The following ESR1 variants were observed in gnomAD, a reference collection of about 807,000 sequenced individuals.
The protein encoded by ESR1 is estrogen receptor 1.
Under a neutral mutation model 52.7 loss-of-function variants are expected in ESR1, and 12 were observed. The observed-to-expected ratio is 0.23, with a 90% CI of 0.15 to 0.37. The LOEUF (loss-of-function observed/expected upper bound fraction) is 0.37. Among genes scored for constraint, ESR1 ranks in the 10% least tolerant of loss-of-function variants. The probability of loss-of-function intolerance (pLI) is 1.00; values close to 1 mark genes in which losing one functional copy is unlikely to be tolerated. For missense variants in ESR1, 584 were observed against 779.7 expected (o/e 0.75, Z 2.99); for synonymous variants, 305 against 316.8 (o/e 0.96, Z 0.39).
chr6:151,981,148 GTA>G (rs2039956442), intron 4 of ESR1, among the ~76,000 whole-genome samples: 1 of 152,192 alleles, frequency 6.6e-6, no homozygotes, highest in African/African-American at 2.4e-5. Context: ...GTTTCTATTT[GTA>G]TCTGTGGAGT....
At chr6:151,773,098 G>C (rs1182485554) in intron 2 of ESR1, among the ~76,000 whole-genome samples, 8 of 152,170 alleles carry the variant, frequency 5.3e-5, no homozygotes, top group Non-Finnish European at 1.0e-4. Flanking sequence ...AGGCCACTAG[G>C]GTTGGCCAGT....
At chr6:151,798,737 G>C (rs1353303601) in intron 2 of ESR1, among the ~76,000 whole-genome samples, 1 of 152,094 alleles carries the variant, frequency 6.6e-6, no homozygotes, top group Non-Finnish European at 1.5e-5. Flanking sequence ...GTTTTTTGCT[G>C]TTATTGTTGA....
chr6:151,740,285 A>ATTTTTTTTTTTTTTTTTTTTTTTT, intron 2 of ESR1, among the ~76,000 whole-genome samples: 1 of 108,008 alleles, frequency 9.3e-6, no homozygotes, highest in Non-Finnish European at 1.8e-5. Flanking sequence ...TGCCTGGCTA[A>ATTTTTTTTTTTTTTTTTTTTTTTT]TTTTTTTTTT....
In ESR1 at chr6:152,101,127, G is replaced by A. The variant is rs2050952577; in HGVS notation, c.*2161G>A. The A allele has an allele frequency of 4.6e-6, 1 of 219,444 alleles. No individual in the cohort carries two copies. The highest frequency in any genetic ancestry group is 2.3e-5 in the African/African-American group (1 of 43,144). 13.6% of individuals were successfully genotyped at this position (219,444 alleles called of 1,614,324 possible). On this transcript the variant is annotated 3_prime_UTR_variant, in exon 8 of 8. Transcript: ENST00000206249. ...CCTGGTGATTATTCATTTAAATGAA[G>A]ATCACATTTCATATCAACTTTTGTA...
chr6:151,736,899 G>A (rs1293383536), intron 2 of ESR1, among the ~76,000 whole-genome samples: 1 of 152,098 alleles, frequency 6.6e-6, no homozygotes, highest in Non-Finnish European at 1.5e-5. Context: ...TGTATTTAAT[G>A]CAGAGAATTT....
At chr6:151,733,458 A>C (rs981342635) in intron 2 of ESR1, among the ~76,000 whole-genome samples, 9 of 152,196 alleles carry the variant, frequency 5.9e-5, no homozygotes, top group African/African-American at 2.2e-4. Flanking sequence ...ATGCCCTATA[A>C]CTATCATCAT....
chr6:151,891,630 A>G (rs1794709997), intron 3 of ESR1, among the ~76,000 whole-genome samples: 2 of 152,220 alleles, frequency 1.3e-5, no homozygotes, highest in Admixed American at 6.5e-5. Flanking sequence ...CTGCTCAGAC[A>G]GGAAACCAAG....
intron 4 of ESR1, among the ~76,000 whole-genome samples, chr6:151,962,944 A>T (rs1176383407): frequency 2.0e-5 from 3 of 152,192 alleles, no homozygotes; most frequent in Non-Finnish European, 4.4e-5. Context: ...GAATAATATA[A>T]GCATATAGTT....
At chr6:151,704,941 T>C (rs1251538573) in intron 2 of ESR1, among the ~76,000 whole-genome samples, 1 of 150,156 alleles carries the variant, frequency 6.7e-6, no homozygotes, top group African/African-American at 2.4e-5. Flanking sequence ...GCTTAGATCC[T>C]GAAGTTTCCT....
rs538115466 is a variant in ESR1, at chr6:151,980,509, C to T, written c.1097-31147C>T. 2.1e-3 allele frequency among the ~76,000 whole-genome samples: 313 copies of T among 152,166 alleles called. 2 individuals are homozygous for T. The highest frequency in any genetic ancestry group is 7.2e-3 in the African/African-American group (299 of 41,494). On this transcript the variant is annotated intron_variant, in intron 4 of 7. Transcript: ENST00000206249. ...TTTGTTTGTTTGTTTGAACAAAAAT[C>T]AAAAACTTTCTTTTCTATATAGGTG... is the stretch of plus-strand genomic sequence containing the variant.
intron 5 of ESR1, among the ~76,000 whole-genome samples, chr6:152,052,746 C>T (rs551377215): frequency 1.3e-5 from 2 of 152,206 alleles, no homozygotes; most frequent in South Asian, 4.1e-4. Context: ...GAGAAGGACA[C>T]CTCCAAAGGC....
At chr6:151,808,549 T>A (rs1161032443) in intron 1 of ESR1, among the ~76,000 whole-genome samples, 185 bp downstream of exon 1, 2 of 152,220 alleles carry the variant, frequency 1.3e-5, no homozygotes, top group East Asian at 3.9e-4. Context: ...CGCGCTGCGT[T>A]CAGAGTCAAG....
intron 5 of ESR1, among the ~76,000 whole-genome samples, chr6:152,025,472 C>T (rs1198022011): frequency 6.6e-6 from 1 of 151,796 alleles, no homozygotes; most frequent in African/African-American, 2.4e-5. Context: ...TATTGTATAT[C>T]AAATCTTCTG....
At chr6:152,075,100 G>C (rs1343966172) in intron 6 of ESR1, among the ~76,000 whole-genome samples, 1 of 152,174 alleles carries the variant, frequency 6.6e-6, no homozygotes, top group Admixed American at 6.5e-5. Context: ...GCCAAGTATT[G>C]TGGAAGAAGC....
At chr6:151,691,760 G>T (rs1310726677) in intron 1 of ESR1, among the ~76,000 whole-genome samples, 1 of 152,206 alleles carries the variant, frequency 6.6e-6, no homozygotes, top group Non-Finnish European at 1.5e-5. Flanking sequence ...AACGTACAGA[G>T]AACTTAAATT....
chr6:151,814,952 C>T (rs56307123), intron 1 of ESR1, among the ~76,000 whole-genome samples: 99 of 152,282 alleles, frequency 6.5e-4, no homozygotes, highest in African/African-American at 2.2e-3. Context: ...TCCATGTGAA[C>T]GTGTACAAGG....
intron 3 of ESR1, among the ~76,000 whole-genome samples, chr6:151,903,602 T>A (rs1797010805): frequency 6.6e-6 from 1 of 152,344 alleles, no homozygotes; most frequent in Non-Finnish European, 1.5e-5. Flanking sequence ...TTGCTAGACT[T>A]AATCATCCAT....
At chr6:152,060,383 C>A (rs1452898393) in intron 5 of ESR1, among the ~76,000 whole-genome samples, 1 of 152,136 alleles carries the variant, frequency 6.6e-6, no homozygotes, top group African/African-American at 2.4e-5. Context: ...TCCAAGGAGG[C>A]ATTCACATCT....
chr6:152,013,824 A>G (rs1179345390), intron 5 of ESR1, among the ~76,000 whole-genome samples: 2 of 152,154 alleles, frequency 1.3e-5, no homozygotes, highest in African/African-American at 4.8e-5. Context: ...AATTACCTCT[A>G]GACCAGGATT....
Sources: gnomAD v4.1 joint callset for allele counts (sites outside exome capture counted in the v4.1 genomes callset) on GRCh38, gnomAD v4.1.1 for gene constraint, MANE v1.5 for transcripts, NCBI Gene and HGNC (gene_info 2026-07-23, HGNC 2026-07-21) for gene names.